The following CNTFR variants were observed in gnomAD, a reference collection of about 807,000 sequenced individuals.
The protein encoded by CNTFR is ciliary neurotrophic factor receptor.
CNTFR carries 12 observed loss-of-function variants against 40.4 expected under a neutral mutation model. The observed-to-expected ratio is 0.30, with a 90% CI of 0.19 to 0.48. CNTFR has a LOEUF of 0.48. Ranked by LOEUF, CNTFR falls within the 20% of genes least tolerant of loss-of-function variation. CNTFR has a pLI of 0.99. For synonymous variants in CNTFR, 202 were observed against 209.6 expected, an observed-to-expected ratio of 0.96 and a Z score of 0.31; for missense variants, 414 against 506.8, an observed-to-expected ratio of 0.82 and a Z score of 1.76.
chr9:34,567,749 G>A (rs1044729133), intron 3 of CNTFR, among the ~76,000 whole-genome samples: 14 of 152,198 alleles, frequency 9.2e-5, no homozygotes, highest in Admixed American at 3.9e-4. Context: ...AATGTCACAC[G>A]TGAGGAACAG....
At chr9:34,574,819 G>GCA (rs943599177) in intron 2 of CNTFR, among the ~76,000 whole-genome samples, 17 of 152,258 alleles carry the variant, frequency 1.1e-4, no homozygotes, top group African/African-American at 3.9e-4. Flanking sequence ...CCTGAGATCA[G>GCA]CATGTGCGTG....
At chr9:34,558,036 G>T in intron 4 of CNTFR, 52 bp from the exon 5 acceptor site, 1 of 1,296,542 alleles carries the variant, frequency 7.7e-7, no homozygotes, top group South Asian at 1.6e-5. Flanking sequence ...CCAGTCCCCT[G>T]CACTGTATGG....
At chr9:34,589,779 C>T (rs1240196940), upstream of CNTFR, 2 of 150,142 alleles carry the variant, frequency 1.3e-5, no homozygotes, top group African/African-American at 4.9e-5. This position sits in a 1 kb window ranked among gnomAD's most constrained non-coding sequence, Gnocchi z 4.4. Flanking sequence ...CCCTCCCTCG[C>T]GCGCTCCCTC....
intron 7 of CNTFR, among the ~76,000 whole-genome samples, chr9:34,555,966 C>T (rs1380151229): frequency 7.0e-6 from 1 of 143,320 alleles, no homozygotes. Flanking sequence ...CTCCCTCCCC[C>T]GCCATCTCCC....
chr9:34,570,525 C>A (rs949179659), intron 2 of CNTFR, among the ~76,000 whole-genome samples: 1 of 152,116 alleles, frequency 6.6e-6, no homozygotes, highest in Non-Finnish European at 1.5e-5. Flanking sequence ...ACCAGAGAAA[C>A]TGATAGACGC....
At chr9:34,565,581 G>A (rs746985578) in intron 3 of CNTFR, among the ~76,000 whole-genome samples, 7 of 152,100 alleles carry the variant, frequency 4.6e-5, no homozygotes, top group Non-Finnish European at 7.4e-5. Context: ...TGGGGGGTGC[G>A]GTGCTGCTGG....
At chr9:34,558,303 G>A (rs1364040720) in intron 4 of CNTFR, among the ~76,000 whole-genome samples, 5 of 152,170 alleles carry the variant, frequency 3.3e-5, no homozygotes, top group Non-Finnish European at 2.9e-5. Context: ...TGGGGGAATC[G>A]GCCCCAGCCC....
At chr9:34,577,132 C>T (rs1008513908) in intron 2 of CNTFR, among the ~76,000 whole-genome samples, 3 of 152,226 alleles carry the variant, frequency 2.0e-5, no homozygotes, top group African/African-American at 7.2e-5. Context: ...GCAGCCCCGC[C>T]CCCATCACTG....
chr9:34,575,315 G>A (rs1232589336), intron 2 of CNTFR, among the ~76,000 whole-genome samples: 1 of 152,118 alleles, frequency 6.6e-6, no homozygotes, highest in Non-Finnish European at 1.5e-5. Context: ...TGTGGGGAGC[G>A]GGGTACTGCT....
chr9:34,556,145 T>C lies in CNTFR; in HGVS notation c.768+110A>G. ...CTGTCCCTTTTCCCCGCAGAGAGCCTGATGCATCAGGTCTCACACTGGAGC... is the reference window on the plus strand; with the variant it reads ...CTGTCCCTTTTCCCCGCAGAGAGCCCGATGCATCAGGTCTCACACTGGAGC... On this transcript the variant is annotated intron_variant, in intron 7 of 9. Transcript: ENST00000378980. The C allele has an allele frequency of 7.3e-6, 9 of 1,228,824 alleles. No homozygotes were observed. In the Admixed American group the frequency reaches 8.1e-5, roughly 11 times the overall value. 76.1% of individuals were successfully genotyped at this position (1,228,824 alleles called of 1,614,324 possible).
At chr9:34,585,997 T>G (rs1827526774) in intron 1 of CNTFR, among the ~76,000 whole-genome samples, 1 of 152,138 alleles carries the variant, frequency 6.6e-6, no homozygotes, top group South Asian at 2.1e-4. Context: ...AGAGCGTGTG[T>G]CCCCTTCAGG....
Position 34,564,721 on chromosome 9 carries a change from G to A in CNTFR, c.197C>T (p.Pro66Leu). 1 of 1,614,156 alleles carries A rather than the reference G, an allele frequency of 6.2e-7. No individual in the cohort carries two copies. Among genetic ancestry groups the A allele is most frequent in the African/African-American group, 1.3e-5 (1 of 75,058 alleles). ...TWRVNGTDLA[P>L]DLLNGSQLVL... ...CAGCTGAGAGCCGTTGAGCAGGTCA[G>A]GGGCCAGGTCTGTCCCATTTACCCG... Residue 66 changes from proline to leucine, a missense_variant, in exon 4 of 10, where the codon CCT becomes CTT. Pro to Leu is a moderately conservative substitution (Grantham distance 98). This residue lies in a region of CNTFR where 250 missense variants were observed against 269.5 expected (regional missense o/e 0.93). Transcript: ENST00000378980.
chr9:34,557,264 A>G lies in CNTFR; in HGVS notation c.604+262T>C, dbSNP rs1198775561. Among the ~76,000 whole-genome samples, 2 of 152,074 alleles carry G rather than the reference A, an allele frequency of 1.3e-5. No individual in the cohort carries two copies. The highest frequency in any genetic ancestry group is 2.9e-5 in the Non-Finnish European group (2 of 67,998). On this transcript the variant is annotated intron_variant, in intron 6 of 9. Coordinates refer to ENST00000378980, the MANE Select transcript of CNTFR (RefSeq NM_147164.3). This position sits in a 1 kb window ranked among gnomAD's most constrained non-coding sequence, Gnocchi z 4.2. Reference sequence around the variant, plus strand: ...GCCTGCCCCCCCTTCCCCCTGCTGCATGTTCTGGGAGCCAGAAAAATGATC... The same window carrying G: ...GCCTGCCCCCCCTTCCCCCTGCTGCGTGTTCTGGGAGCCAGAAAAATGATC...
intron 2 of CNTFR, among the ~76,000 whole-genome samples, chr9:34,578,961 G>C (rs1425700165): frequency 6.6e-6 from 1 of 152,186 alleles, no homozygotes; most frequent in African/African-American, 2.4e-5. Context: ...CAGACTCCTA[G>C]GGTCTCCAGG....
At chr9:34,566,283 C>T (rs1211088799) in intron 3 of CNTFR, among the ~76,000 whole-genome samples, 3 of 152,200 alleles carry the variant, frequency 2.0e-5, no homozygotes, top group Admixed American at 2.0e-4. Context: ...CGCTGCCTAT[C>T]TCTATCCTGC....
At position 34,552,261 on chromosome 9, in the gene CNTFR, G is replaced by A; in HGVS notation, c.1018C>T (p.Leu340=). The stretch of plus-strand genomic sequence containing the variant: ...GCCGAGGGTCCCCCGCCGCTGCCCA[G>A]CTCCCCAGGGTCACAGATCTTCGTG... ...PTTKICDPGE[L]GSGGGPSAPF... is the part of the protein sequence containing the mutation. The change falls in exon 9 of 10, where the codon CTG becomes TTG. Residue 340 remains leucine, a synonymous_variant. Transcript: ENST00000378980. The surrounding 1 kb of genome is among the most constrained non-coding windows in gnomAD (Gnocchi z 5.1). 1 of 1,551,672 alleles carries A rather than the reference G, an allele frequency of 6.4e-7. No individual in the cohort carries two copies. The highest frequency in any genetic ancestry group is 8.7e-7 in the Non-Finnish European group (1 of 1,149,426).
chr9:34,574,329 C>G (rs1477318857), intron 2 of CNTFR, among the ~76,000 whole-genome samples: 1 of 152,234 alleles, frequency 6.6e-6, no homozygotes, highest in Non-Finnish European at 1.5e-5. Context: ...CTAGCCCCTT[C>G]TCTTTTCCCT....
intron 4 of CNTFR, among the ~76,000 whole-genome samples, chr9:34,561,208 G>T (rs1306899969): frequency 6.6e-6 from 1 of 152,144 alleles, no homozygotes; most frequent in Non-Finnish European, 1.5e-5. Flanking sequence ...TTTCTCCCCA[G>T]ACGTCTTCTT....
rs756549355 is a variant in CNTFR at position 34,557,864 on chromosome 9, C to T, written c.437+3G>A. 1.3e-6 allele frequency: 2 copies of T among 1,561,160 alleles called. No individual in the cohort carries two copies. The highest frequency in any genetic ancestry group is 1.7e-6 in the Non-Finnish European group (2 of 1,151,922). ...GACCCGGGTCACAGGCGCAGCTACT[C>T]ACAGCACAGTCACATTGAAGGTGTT... is the stretch of plus-strand genomic sequence containing the variant. On this transcript the variant is annotated splice_donor_region_variant and intron_variant, in intron 5 of 9. Coordinates refer to ENST00000378980, the MANE Select transcript of CNTFR (RefSeq NM_147164.3). The surrounding 1 kb of genome is among the most constrained non-coding windows in gnomAD (Gnocchi z 4.2).
Sources: gnomAD v4.1 joint callset for allele counts (sites outside exome capture counted in the v4.1 genomes callset) on GRCh38, gnomAD v4.1.1 for gene constraint, gnomAD v4.1.1 regional missense constraint, Gnocchi (gnomAD v3.1) non-coding constraint, MANE v1.5 for transcripts, NCBI Gene and HGNC (gene_info 2026-07-23, HGNC 2026-07-21) for gene names.